SLC23A2: variants seen among roughly 807,000 people sequenced by gnomAD.
SLC23A2 encodes Na(+)/L-ascorbic acid transporter 2.
Under a neutral mutation model 73.3 loss-of-function variants are expected in SLC23A2, and 36 were observed. That is an observed-to-expected ratio of 0.49 (90% CI 0.38 to 0.65). The LOEUF (loss-of-function observed/expected upper bound fraction) is 0.65, where lower values mean the gene tolerates loss of function less well. Among genes scored for constraint, SLC23A2 ranks in the 30% least tolerant of loss-of-function variants. The pLI is 0.00. For synonymous variants in SLC23A2, 343 were observed against 327.3 expected (o/e 1.05, Z -0.52); for missense variants, 507 against 841.6 (o/e 0.60, Z 4.92).
Position 4,856,589 on chromosome 20 carries a change from GGA to G in SLC23A2, c.*381_*382del, listed in dbSNP as rs1929720517. 5.7e-5 allele frequency: 10 copies of G among 174,402 alleles called. No homozygotes were observed. The highest frequency in any genetic ancestry group is 2.8e-3 in the Middle Eastern group (1 of 352). 10.8% of individuals were successfully genotyped at this position (174,402 alleles called of 1,614,324 possible). On this transcript the variant is annotated 3_prime_UTR_variant, in exon 17 of 17. Coordinates refer to ENST00000338244, the MANE Select transcript of SLC23A2 (RefSeq NM_005116.6). The surrounding 1 kb of genome is among the most constrained non-coding windows in gnomAD (Gnocchi z 4.6). ...ACAAGGAAACAGGTCCAGGGGCTTC[GGA>G]GAGAGAGAGAAAGCCCCTGGACCCT...
chr20:4,886,105 A>C (rs4815753), intron 6 of SLC23A2, 196 bp from the exon 7 acceptor site: 1 of 502,622 alleles, frequency 2.0e-6, no homozygotes, highest in Non-Finnish European at 3.6e-6. Flanking sequence ...CATCCTCCCC[A>C]TTGCCACTCT....
intron 1 of SLC23A2, among the ~76,000 whole-genome samples, chr20:4,994,485 T>C (rs1169275261): frequency 1.3e-5 from 2 of 152,058 alleles, no homozygotes; most frequent in Non-Finnish European, 2.9e-5. Flanking sequence ...TAAAGTAGAA[T>C]GTATAAGAAA....
At chr20:4,910,780 C>A (rs1299387499) in intron 4 of SLC23A2, among the ~76,000 whole-genome samples, 5 of 152,152 alleles carry the variant, frequency 3.3e-5, no homozygotes, top group Non-Finnish European at 7.3e-5. Flanking sequence ...CACTGCCCTC[C>A]TCATTTCATA....
At chr20:4,961,989 A>G (rs2087398778) in intron 2 of SLC23A2, among the ~76,000 whole-genome samples, 1 of 152,120 alleles carries the variant, frequency 6.6e-6, no homozygotes. Flanking sequence ...GCATGAGGTG[A>G]GAGAAGGGCA....
At chr20:4,934,664 C>T (rs943797169) in intron 2 of SLC23A2, among the ~76,000 whole-genome samples, 4 of 151,742 alleles carry the variant, frequency 2.6e-5, no homozygotes, top group Non-Finnish European at 5.9e-5. Flanking sequence ...GAGTTCAAGA[C>T]CAGCCTGGCC....
intron 2 of SLC23A2, 25 bp from the exon 3 acceptor site, chr20:4,932,741 T>G (rs1384182597): frequency 3.5e-6 from 2 of 578,410 alleles, no homozygotes; most frequent in Non-Finnish European, 3.1e-6. Context: ...CACAGCCAAA[T>G]CACCCCAAAG....
rs565905088 is a variant in SLC23A2 at position 4,957,794 on chromosome 20, G to A, written c.-155+12999C>T. Among the ~76,000 whole-genome samples the A allele has an allele frequency of 1.9e-3, 289 of 151,256 alleles. 1 individual carries two copies. Among genetic ancestry groups the A allele is most frequent in the South Asian group, 5.4e-3 (26 of 4,784 alleles). On this transcript the variant is annotated intron_variant, in intron 2 of 16. Coordinates refer to ENST00000338244, the MANE Select transcript of SLC23A2 (RefSeq NM_005116.6). ...TGGGCGCCTGTAATCCCAGCTACTC[G>A]GGAGGCTGAGGCAGGAGAATCCCCT...
At chr20:4,949,536 T>A (rs778559891) in intron 2 of SLC23A2, among the ~76,000 whole-genome samples, 3 of 152,068 alleles carry the variant, frequency 2.0e-5, no homozygotes, top group Non-Finnish European at 4.4e-5. Context: ...AATGTTCAGT[T>A]TTTGATATTT....
At position 4,912,897 on chromosome 20, in the gene SLC23A2, T is replaced by C. The variant is rs770571601; in HGVS notation, c.190A>G (p.Asn64Asp). ...TELMAIYTTE[N>D]GIAEKSSLAE... ...AGGGGTACCTTTTCTGCAATGCCGT[T>C]TTCCGTAGTGTAGATCGCCATGAGC... Residue 64 changes from asparagine (N) to aspartate (D), a missense_variant, in exon 4 of 17, where the codon AAC becomes GAC. Coordinates refer to ENST00000338244, the MANE Select transcript of SLC23A2 (RefSeq NM_005116.6). The C allele has an allele frequency of 1.3e-5, 21 of 1,611,810 alleles. No individual in the cohort carries two copies. In the East Asian group the frequency reaches 4.2e-4, roughly 33 times the overall value.
chr20:4,993,669 G>T (rs1363087141), intron 1 of SLC23A2, among the ~76,000 whole-genome samples: 1 of 152,122 alleles, frequency 6.6e-6, no homozygotes, highest in Non-Finnish European at 1.5e-5. Flanking sequence ...GAAGTGTCAT[G>T]CTTGTTATAT....
intron 1 of SLC23A2, among the ~76,000 whole-genome samples, chr20:4,975,989 G>A (rs557471577): frequency 6.6e-6 from 1 of 151,700 alleles, no homozygotes; most frequent in African/African-American, 2.4e-5. Context: ...GAGTAGCTGG[G>A]ATTACGGGCA....
At position 4,855,279 on chromosome 20, in the gene SLC23A2, G is replaced by A. The variant is rs560424675; in HGVS notation, c.*1693C>T. On this transcript the variant is annotated 3_prime_UTR_variant, in exon 17 of 17. Transcript: ENST00000338244. ...CAGCACTGGAGAGCTGAGCCAGCCT[G>A]GGGCCGAGGGGGACAGGAATGCACC... 42 of 152,438 alleles carry A rather than the reference G, an allele frequency of 2.8e-4. No homozygotes were observed. The highest frequency in any genetic ancestry group is 9.6e-4 in the African/African-American group (40 of 41,582). The allele number at this position is 152,438 out of a possible 1,614,324, so 9.4% of individuals were successfully genotyped here.
chr20:4,909,717 C>A (rs1932078172), intron 4 of SLC23A2, among the ~76,000 whole-genome samples: 1 of 152,072 alleles, frequency 6.6e-6, no homozygotes, highest in African/African-American at 2.4e-5. Context: ...TGAAGCCCGG[C>A]TAAATTTTTT....
intron 2 of SLC23A2, among the ~76,000 whole-genome samples, chr20:4,934,097 G>A (rs903222670): frequency 1.3e-5 from 2 of 152,224 alleles, no homozygotes; most frequent in African/African-American, 4.8e-5. Flanking sequence ...AGTGGAATAC[G>A]GAGAGCTAGG....
At chr20:4,929,264 T>TAA (rs368253095) in intron 3 of SLC23A2, among the ~76,000 whole-genome samples, 3 of 119,122 alleles carry the variant, frequency 2.5e-5, no homozygotes, top group Non-Finnish European at 3.6e-5. Context: ...AGACCCTGTG[T>TAA]AAAAAAAAAA....
chr20:4,859,805 T>C (rs928050161), intron 15 of SLC23A2, among the ~76,000 whole-genome samples: 2 of 152,252 alleles, frequency 1.3e-5, no homozygotes, highest in African/African-American at 4.8e-5. Flanking sequence ...TAGAAGACTT[T>C]TCAGTATCCT....
At chr20:4,979,283 AC>A (rs57499405) in intron 1 of SLC23A2, among the ~76,000 whole-genome samples, 31,275 of 151,766 alleles carry the variant, frequency 0.21, 6,172 homozygotes, top group African/African-American at 0.51. Context: ...ACAGGGTGAG[AC>A]CCCCATCTCA....
chr20:4,904,421 T>C (rs1367818887), intron 4 of SLC23A2, among the ~76,000 whole-genome samples: 1 of 151,982 alleles, frequency 6.6e-6, no homozygotes, highest in East Asian at 1.9e-4. Flanking sequence ...CCTTTTTCCA[T>C]TGTTGATTTT....
chr20:4,911,915 C>T (rs1444322855), intron 4 of SLC23A2, among the ~76,000 whole-genome samples: 3 of 152,008 alleles, frequency 2.0e-5, no homozygotes, highest in Non-Finnish European at 4.4e-5. Context: ...ATGATCTTAG[C>T]TCACTGTAGC....
Sources: gnomAD v4.1 joint callset for allele counts (sites outside exome capture counted in the v4.1 genomes callset) on GRCh38, gnomAD v4.1.1 for gene constraint, Gnocchi (gnomAD v3.1) non-coding constraint, MANE v1.5 for transcripts, NCBI Gene and HGNC (gene_info 2026-07-23, HGNC 2026-07-21) for gene names.